The following ERC2 variants were observed in gnomAD, a reference collection of about 807,000 sequenced individuals.
ERC2 encodes the protein ERC protein 2.
Under a neutral mutation model 114.8 loss-of-function variants are expected in ERC2, and 42 were observed. That is an observed-to-expected ratio of 0.37 (90% CI 0.29 to 0.47). ERC2 has a LOEUF of 0.47. Ranked by LOEUF, ERC2 falls within the 20% of genes least tolerant of loss-of-function variation. ERC2 has a pLI of 0.99. For synonymous variants in ERC2, 454 were observed against 425.5 expected (o/e 1.07, Z -0.82); for missense variants, 939 against 1,150.7 (o/e 0.82, Z 2.66).
chr3:55,817,475 T>C (rs2059947287), intron 14 of ERC2, among the ~76,000 whole-genome samples: 1 of 152,238 alleles, frequency 6.6e-6, no homozygotes, highest in South Asian at 2.1e-4. Flanking sequence ...TCATCACGTC[T>C]AACCTCTCCT....
intron 3 of ERC2, among the ~76,000 whole-genome samples, chr3:56,177,610 A>G (rs1331486853): frequency 2.0e-5 from 3 of 152,184 alleles, no homozygotes; most frequent in Non-Finnish European, 4.4e-5. Flanking sequence ...CAGCTGGTTC[A>G]CAGAGCCTGG....
chr3:56,041,296 G>A (rs1344544481), intron 7 of ERC2, among the ~76,000 whole-genome samples: 2 of 152,064 alleles, frequency 1.3e-5, no homozygotes, highest in Non-Finnish European at 2.9e-5. Flanking sequence ...CCAAAGGAGT[G>A]GAAGAGTCTC....
intron 14 of ERC2, among the ~76,000 whole-genome samples, chr3:55,743,431 G>A (rs1165894613): frequency 7.5e-6 from 1 of 134,008 alleles, no homozygotes; most frequent in Non-Finnish European, 1.6e-5. Context: ...GCCAGAGGAG[G>A]AGTGCCAGGA....
chr3:55,709,380 A>T (rs1228942625), intron 15 of ERC2, among the ~76,000 whole-genome samples: 1 of 152,212 alleles, frequency 6.6e-6, no homozygotes, highest in Non-Finnish European at 1.5e-5. Context: ...AAATTATAAC[A>T]AGCACATCAA....
At chr3:56,423,709 C>T (rs1347306540) in intron 2 of ERC2, among the ~76,000 whole-genome samples, 11 of 152,124 alleles carry the variant, frequency 7.2e-5, no homozygotes, top group Admixed American at 6.5e-4. Context: ...AGAAATTGCA[C>T]GTGCCAGAAT....
intron 16 of ERC2, among the ~76,000 whole-genome samples, chr3:55,691,544 C>CAAAAAA (rs748917550): frequency 4.5e-5 from 3 of 67,020 alleles, no homozygotes; most frequent in Non-Finnish European, 5.2e-5. Context: ...ATTTGCAATG[C>CAAAAAA]AAAAAAAAAA....
At chr3:56,299,608 T>G (rs1050881158) in intron 2 of ERC2, among the ~76,000 whole-genome samples, 33 of 151,858 alleles carry the variant, frequency 2.2e-4, no homozygotes, top group Non-Finnish European at 1.5e-5. Context: ...TTTTGTATTT[T>G]TTGTAGAGAT....
In ERC2 at chr3:55,950,425, C is replaced by G. The variant is rs772517723; in HGVS notation, c.2403G>C (p.Gln801His). The G allele has an allele frequency of 6.2e-7, 1 of 1,614,000 alleles. No individual in the cohort carries two copies. Among genetic ancestry groups the G allele is most frequent in the Non-Finnish European group, 8.5e-7 (1 of 1,179,884 alleles). ...DSMADNSQHL[Q>H]IEELMNALEK... ...ATTAAGAAGAGAAGCCTGTGCTTAC[C>G]TGCAAATGCTGTGAGTTGTCAGCCA... The change falls in exon 13 of 18, where the codon CAG becomes CAC. Residue 801 changes from glutamine to histidine, a missense_variant and splice_region_variant. Around this residue, in one of 5 missense-constraint regions of ERC2, gnomAD observed 328 missense variants for 353.9 expected, o/e 0.93. Coordinates refer to ENST00000288221, the MANE Select transcript of ERC2 (RefSeq NM_015576.3).
chr3:55,884,866 G>A (rs906468416), intron 14 of ERC2, among the ~76,000 whole-genome samples: 7 of 151,968 alleles, frequency 4.6e-5, no homozygotes, highest in African/African-American at 1.7e-4. Flanking sequence ...ACATGTGCTG[G>A]TTTATATTAA....
intron 3 of ERC2, among the ~76,000 whole-genome samples, chr3:56,174,487 C>A (rs910025781): frequency 1.3e-5 from 2 of 152,218 alleles, no homozygotes; most frequent in Non-Finnish European, 1.5e-5. Context: ...GTACTTACTT[C>A]TGCTTCCACA....
At chr3:56,195,415 G>GA (rs1251656050) in intron 3 of ERC2, among the ~76,000 whole-genome samples, 1 of 152,002 alleles carries the variant, frequency 6.6e-6, no homozygotes, top group African/African-American at 2.4e-5. Context: ...GTGAATAACT[G>GA]AAAAAAATGC....
intron 6 of ERC2, among the ~76,000 whole-genome samples, chr3:56,099,174 A>T (rs9883636): frequency 6.6e-6 from 1 of 152,054 alleles, no homozygotes. Flanking sequence ...CAAGTGAAGG[A>T]GCCTCCTGAA....
intron 4 of ERC2, among the ~76,000 whole-genome samples, chr3:56,151,352 C>G (rs994589294): frequency 6.6e-6 from 1 of 152,122 alleles, no homozygotes; most frequent in East Asian, 1.9e-4. Flanking sequence ...AAAGTGTGAA[C>G]CATTGTGCCC....
At chr3:56,027,386 A>T (rs528555081) in intron 7 of ERC2, among the ~76,000 whole-genome samples, 119 of 152,300 alleles carry the variant, frequency 7.8e-4, no homozygotes, top group African/African-American at 2.8e-3. Context: ...ATTATATAAG[A>T]TACTACTGCA....
At chr3:56,239,015 A>G (rs1245144477) in intron 3 of ERC2, among the ~76,000 whole-genome samples, 1 of 152,192 alleles carries the variant, frequency 6.6e-6, no homozygotes, top group Admixed American at 6.5e-5. Flanking sequence ...TTTGAAATGC[A>G]TAAGGATCCG....
intron 3 of ERC2, among the ~76,000 whole-genome samples, chr3:56,203,256 G>A (rs1042887386): frequency 2.6e-5 from 4 of 152,190 alleles, no homozygotes; most frequent in Non-Finnish European, 5.9e-5. Flanking sequence ...TTAAGTGCCT[G>A]AGAGATGGAC....
intron 6 of ERC2, among the ~76,000 whole-genome samples, chr3:56,111,116 G>T (rs1271662314): frequency 6.6e-6 from 1 of 152,062 alleles, no homozygotes; most frequent in Non-Finnish European, 1.5e-5. Flanking sequence ...TATGTGTGAA[G>T]GAATGTGTCC....
At chr3:56,079,035 C>A (rs1327994951) in intron 7 of ERC2, among the ~76,000 whole-genome samples, 1 of 151,880 alleles carries the variant, frequency 6.6e-6, no homozygotes, top group Admixed American at 6.6e-5. Flanking sequence ...ACTATTTGAA[C>A]AGAGACCTGA....
At chr3:56,261,583 C>G (rs919735218) in intron 3 of ERC2, among the ~76,000 whole-genome samples, 4 of 152,144 alleles carry the variant, frequency 2.6e-5, no homozygotes, top group Non-Finnish European at 4.4e-5. Context: ...TGAACTGTGC[C>G]CTCTCTGGCT....
Sources: gnomAD v4.1 joint callset for allele counts (sites outside exome capture counted in the v4.1 genomes callset) on GRCh38, gnomAD v4.1.1 for gene constraint, gnomAD v4.1.1 regional missense constraint, MANE v1.5 for transcripts, NCBI Gene and HGNC (gene_info 2026-07-23, HGNC 2026-07-21) for gene names.